The following LRRTM4 variants were observed in gnomAD, a reference collection of about 807,000 sequenced individuals.
LRRTM4 encodes the protein leucine rich repeat transmembrane neuronal 4.
A neutral mutation model predicts 47.6 loss-of-function variants in LRRTM4; 25 were observed. The ratio of observed to expected loss-of-function variants is 0.53; its 90% confidence interval spans 0.38 to 0.73. The LOEUF is 0.73. LRRTM4 is among the 30% of genes least tolerant of loss of function. LRRTM4 has a pLI of 0.00. For synonymous variants in LRRTM4, 311 were observed against 269.5 expected, an observed-to-expected ratio of 1.15 and a Z score of -1.51; for missense variants, 638 against 713.4, an observed-to-expected ratio of 0.89 and a Z score of 1.20.
In LRRTM4 at chr2:77,519,047, T is replaced by C. The variant is rs929758718; in HGVS notation, c.822A>G (p.Lys274=). ...DIQGIEPGTF[K]CLPNLQKLNL... The stretch of plus-strand genomic sequence containing the variant: ...TCAATTTTTGTAAATTGGGGAGGCA[T>C]TTAAATGTGCCCGGCTCAATTCCTT... The change falls in exon 3 of 4, where the codon AAA becomes AAG. Residue 274 remains lysine (K), a synonymous_variant. Transcript: ENST00000409884. The surrounding 1 kb of genome is among the most constrained non-coding windows in gnomAD (Gnocchi z 4.6). The C allele has an allele frequency of 1.2e-6, 2 of 1,612,270 alleles. No individual in the cohort carries two copies. Among genetic ancestry groups the C allele is most frequent in the African/African-American group, 1.3e-5 (1 of 74,862 alleles).
At chr2:76,829,884 C>T (rs1213582389) in intron 3 of LRRTM4, among the ~76,000 whole-genome samples, 2 of 151,928 alleles carry the variant, frequency 1.3e-5, no homozygotes, top group Non-Finnish European at 2.9e-5. Flanking sequence ...AATTTATTCT[C>T]GAAATAATAG....
chr2:76,831,379 C>A (rs1671347886), intron 3 of LRRTM4, among the ~76,000 whole-genome samples: 1 of 152,094 alleles, frequency 6.6e-6, no homozygotes, highest in African/African-American at 2.4e-5. Flanking sequence ...TAACATGTCT[C>A]CATGGACATC....
intron 3 of LRRTM4, among the ~76,000 whole-genome samples, chr2:77,090,885 G>C (rs60828459): frequency 1.3e-5 from 2 of 151,416 alleles, no homozygotes; most frequent in African/African-American, 2.4e-5. Flanking sequence ...AGACCATCAC[G>C]GACGCCGAGC....
intron 3 of LRRTM4, among the ~76,000 whole-genome samples, chr2:76,810,542 C>T (rs114530018): frequency 2.4e-3 from 365 of 152,138 alleles, no homozygotes; most frequent in African/African-American, 8.5e-3. Flanking sequence ...ATGTAAACAG[C>T]CTGCTGCATA....
At chr2:76,798,435 G>A (rs562762527) in intron 3 of LRRTM4, among the ~76,000 whole-genome samples, 1 of 150,654 alleles carries the variant, frequency 6.6e-6, no homozygotes, top group South Asian at 2.2e-4. Context: ...AGAATCTCTG[G>A]GACGCATTCA....
At chr2:76,779,646 T>G (rs1362529061) in intron 3 of LRRTM4, among the ~76,000 whole-genome samples, 1 of 151,654 alleles carries the variant, frequency 6.6e-6, no homozygotes, top group Non-Finnish European at 1.5e-5. Flanking sequence ...ATTTTGAGCC[T>G]ATATGTGTCT....
At chr2:77,290,011 G>GT (rs1676776588) in intron 3 of LRRTM4, among the ~76,000 whole-genome samples, 1 of 146,574 alleles carries the variant, frequency 6.8e-6, no homozygotes, top group African/African-American at 2.7e-5. Flanking sequence ...AAGTTTGTTT[G>GT]CTTTTTTTTA....
chr2:76,918,072 G>C (rs1367524758), intron 3 of LRRTM4, among the ~76,000 whole-genome samples: 3 of 152,264 alleles, frequency 2.0e-5, no homozygotes, highest in Non-Finnish European at 2.9e-5. Flanking sequence ...TAAGGTAGTA[G>C]TTGCTTTTCC....
chr2:77,183,201 T>C (rs1673398906), intron 3 of LRRTM4, among the ~76,000 whole-genome samples: 1 of 152,152 alleles, frequency 6.6e-6, no homozygotes, highest in African/African-American at 2.4e-5. Flanking sequence ...AAAGGGCTAA[T>C]ATCCAGAATC....
In LRRTM4 at chr2:77,043,362, G is replaced by A. The variant is rs1052494920; in HGVS notation, c.1552-294446C>T. Among the ~76,000 whole-genome samples the A allele has an allele frequency of 9.9e-5, 15 of 151,822 alleles. No homozygotes were observed. In the East Asian group the frequency reaches 2.7e-3, roughly 28 times the overall value. ...TGTCCATAGGAGAATAGAAAAAGAG[G>A]ATTTGGGCATTGTCTTCGCAACAGT... is the stretch of plus-strand genomic sequence containing the variant. On this transcript the variant is annotated intron_variant, in intron 3 of 3. Coordinates refer to ENST00000409884, the MANE Select transcript of LRRTM4 (RefSeq NM_001134745.3).
intron 3 of LRRTM4, among the ~76,000 whole-genome samples, chr2:77,029,791 T>A (rs1418965201): frequency 6.6e-6 from 1 of 152,122 alleles, no homozygotes; most frequent in Non-Finnish European, 1.5e-5. Context: ...AAAGATTTGT[T>A]TTGTAAAAAA....
At chr2:76,797,725 C>A (rs984942367) in intron 3 of LRRTM4, among the ~76,000 whole-genome samples, 1 of 151,254 alleles carries the variant, frequency 6.6e-6, no homozygotes, top group African/African-American at 2.4e-5. Context: ...AAACCCATCT[C>A]ACGTGCAGAG....
intron 3 of LRRTM4, among the ~76,000 whole-genome samples, chr2:76,958,389 T>G (rs972460174): frequency 4.0e-5 from 6 of 151,748 alleles, no homozygotes; most frequent in Non-Finnish European, 8.8e-5. Context: ...AGCCCCATAA[T>G]CACCTGAAAG....
At position 77,018,414 on chromosome 2, in the gene LRRTM4, G is replaced by A. The variant is rs190507490; in HGVS notation, c.1552-269498C>T. Among the ~76,000 whole-genome samples the A allele has an allele frequency of 1.4e-3, 218 of 151,810 alleles. 2 individuals carry two copies. The highest frequency in any genetic ancestry group is 5.0e-3 in the African/African-American group (207 of 41,376). Reference sequence around the variant, plus strand: ...GATTTTCTCATTTACATCCTTTCAGGGAAGAAACCATGTAGCTGCCATATC... The same window carrying A: ...GATTTTCTCATTTACATCCTTTCAGAGAAGAAACCATGTAGCTGCCATATC... On this transcript the variant is annotated intron_variant, in intron 3 of 3. Transcript: ENST00000409884.
chr2:77,354,329 C>T (rs919994705), intron 3 of LRRTM4, among the ~76,000 whole-genome samples: 5 of 147,904 alleles, frequency 3.4e-5, no homozygotes, highest in Non-Finnish European at 5.9e-5. Context: ...GATGCATATC[C>T]AGATAAGTGG....
At chr2:77,272,596 C>T (rs1303497943) in intron 3 of LRRTM4, among the ~76,000 whole-genome samples, 1 of 152,088 alleles carries the variant, frequency 6.6e-6, no homozygotes, top group Non-Finnish European at 1.5e-5. Context: ...GGATGTTTGT[C>T]CCCTCTAAAG....
intron 3 of LRRTM4, among the ~76,000 whole-genome samples, chr2:76,830,855 TC>T (rs1251083514): frequency 6.6e-6 from 1 of 152,014 alleles, no homozygotes; most frequent in African/African-American, 2.4e-5. Context: ...AGTTTGTCTT[TC>T]AGATCCAAAA....
intron 3 of LRRTM4, among the ~76,000 whole-genome samples, chr2:76,914,659 T>C (rs1490417307): frequency 6.6e-6 from 1 of 152,198 alleles, no homozygotes; most frequent in Non-Finnish European, 1.5e-5. Context: ...TCAAAAAACT[T>C]CTATTTGTCT....
chr2:76,974,131 C>CATATATATACATATATATACATACATAT lies in LRRTM4; in HGVS notation c.1552-225243_1552-225216dup, dbSNP rs1444043615. On this transcript the variant is annotated intron_variant, in intron 3 of 3. Transcript: ENST00000409884. The stretch of plus-strand genomic sequence containing the variant: ...TTACATAATTATTAACACATTTGCT[C>CATATATATACATATATATACATACATAT]ATATATATACATATATATACATACA... 2.5e-3 allele frequency among the ~76,000 whole-genome samples: 298 copies of CATATATATACATATATATACATACATAT among 120,904 alleles called. 1 individual carries two copies. Among genetic ancestry groups the CATATATATACATATATATACATACATAT allele is most frequent in the Non-Finnish European group, 4.0e-3 (248 of 61,386 alleles). The allele number at this position is 120,904 out of a possible 152,430, so 79.3% of individuals were successfully genotyped here.
Sources: allele counts gnomAD v4.1 joint callset (sites outside exome capture counted in the v4.1 genomes callset), GRCh38; gene constraint gnomAD v4.1.1; non-coding constraint Gnocchi (gnomAD v3.1); transcripts MANE v1.5; gene names NCBI Gene and HGNC (gene_info 2026-07-23, HGNC 2026-07-21).